BCAS3: variants seen among roughly 807,000 people sequenced by gnomAD.
BCAS3 encodes the protein BCAS4/BCAS3 fusion.
A neutral mutation model predicts 116.1 loss-of-function variants in BCAS3; 53 were observed. The observed-to-expected ratio is 0.46, with a 90% CI of 0.37 to 0.57. The LOEUF (loss-of-function observed/expected upper bound fraction) is 0.57. Among genes scored for constraint, BCAS3 ranks in the 20% least tolerant of loss-of-function variants. BCAS3 has a pLI of 0.00. For missense variants in BCAS3, 917 were observed against 1,165.4 expected (o/e 0.79, Z 3.10); for synonymous variants, 391 against 408.2 (o/e 0.96, Z 0.51).
At chr17:60,982,011 A>G (rs1463373584) in intron 14 of BCAS3, among the ~76,000 whole-genome samples, 1 of 152,204 alleles carries the variant, frequency 6.6e-6, no homozygotes, top group African/African-American at 2.4e-5. Flanking sequence ...AAGAAATTAT[A>G]TGTGTATGCA....
rs549106050 is a variant in BCAS3 at position 61,196,084 on chromosome 17, T to G, written c.2425+111520T>G. On this transcript the variant is annotated intron_variant, in intron 22 of 23. Coordinates refer to ENST00000407086, the MANE Select transcript of BCAS3 (RefSeq NM_017679.5). The surrounding 1 kb of genome is among the most constrained non-coding windows in gnomAD (Gnocchi z 4.7). Reference sequence around the variant, plus strand: ...TAACTTTGGAGACCACAGTCGCCTTTGCAGATCTATCTAGACAACTTCTGA... The same window carrying G: ...TAACTTTGGAGACCACAGTCGCCTTGGCAGATCTATCTAGACAACTTCTGA... Among the ~76,000 whole-genome samples the G allele has an allele frequency of 2.0e-5, 3 of 152,368 alleles. No individual in the cohort carries two copies. The highest frequency in any genetic ancestry group is 4.4e-5 in the Non-Finnish European group (3 of 68,038).
At chr17:60,944,721 ACAAT>A (rs777762422) in intron 13 of BCAS3, among the ~76,000 whole-genome samples, 1 of 152,190 alleles carries the variant, frequency 6.6e-6, no homozygotes, top group Non-Finnish European at 1.5e-5. Flanking sequence ...TCAACATTTG[ACAAT>A]CAGTTATTGT....
chr17:61,115,240 G>C (rs1198418195), intron 22 of BCAS3, among the ~76,000 whole-genome samples: 5 of 152,154 alleles, frequency 3.3e-5, no homozygotes, highest in Admixed American at 6.5e-5. Flanking sequence ...ATTGACAAAT[G>C]GAATCTAATT....
At chr17:61,070,014 G>A (rs2143404897) in intron 19 of BCAS3, 4 of 1,595,616 alleles carry the variant, frequency 2.5e-6, no homozygotes, top group East Asian at 4.5e-5. Context: ...CCTTCCGGCA[G>A]CCGAAGACAC....
At chr17:60,843,400 G>A (rs1247292362) in intron 7 of BCAS3, among the ~76,000 whole-genome samples, 1 of 151,774 alleles carries the variant, frequency 6.6e-6, no homozygotes, top group East Asian at 1.9e-4. Flanking sequence ...GCAATTTTTA[G>A]TAGAGACAAG....
At position 60,958,546 on chromosome 17, in the gene BCAS3, C is replaced by A. The variant is rs572396844; in HGVS notation, c.1221+11194C>A. Among the ~76,000 whole-genome samples the A allele has an allele frequency of 4.7e-4, 71 of 152,162 alleles. No individual in the cohort carries two copies. The East Asian group carries it at 7.7e-3, about 17-fold the overall frequency. On this transcript the variant is annotated intron_variant, in intron 14 of 23. Coordinates refer to ENST00000407086, the MANE Select transcript of BCAS3 (RefSeq NM_017679.5). Reference sequence around the variant, plus strand: ...TAGAAAATATTGCTCAGAGTAAAGACCTAAATAAATGGAGAATTAAACCAT... The same window carrying A: ...TAGAAAATATTGCTCAGAGTAAAGAACTAAATAAATGGAGAATTAAACCAT...
intron 22 of BCAS3, among the ~76,000 whole-genome samples, chr17:61,114,419 ATCACAAGCATTC>A (rs2075293167): frequency 6.8e-6 from 1 of 148,092 alleles, no homozygotes. Context: ...ATGTACCAAA[ATCACAAGCATTC>A]TTATACACCA....
At position 60,812,346 on chromosome 17, in the gene BCAS3, G is replaced by T. The variant is rs542430431; in HGVS notation, c.476+4270G>T. ...AGTTTGCAAAAAAATGTGACTTAAG[G>T]TGGCTTATATATCATCTCAGTAGGA... is the stretch of plus-strand genomic sequence containing the variant. On this transcript the variant is annotated intron_variant, in intron 7 of 23. Coordinates refer to ENST00000407086, the MANE Select transcript of BCAS3 (RefSeq NM_017679.5). Among the ~76,000 whole-genome samples the T allele has an allele frequency of 4.3e-4, 66 of 152,276 alleles. 1 individual carries two copies. The highest frequency in any genetic ancestry group is 2.6e-3 in the Admixed American group (40 of 15,284).
intron 4 of BCAS3, among the ~76,000 whole-genome samples, chr17:60,694,722 C>T (rs2035351528): frequency 6.6e-6 from 1 of 151,772 alleles, no homozygotes; most frequent in Admixed American, 6.6e-5. Flanking sequence ...GTGATCCTCC[C>T]ACCTCGGTGT....
intron 12 of BCAS3, among the ~76,000 whole-genome samples, chr17:60,923,937 A>C (rs907132710): frequency 7.9e-5 from 12 of 152,112 alleles, no homozygotes; most frequent in African/African-American, 2.7e-4. Context: ...TGATTTCTCT[A>C]TACACCTGTT....
chr17:61,033,886 C>A (rs1568173293), intron 16 of BCAS3, among the ~76,000 whole-genome samples: 1 of 152,184 alleles, frequency 6.6e-6, no homozygotes, highest in Non-Finnish European at 1.5e-5. Context: ...AGATCTACTT[C>A]TTTTGAATGG....
intron 6 of BCAS3, among the ~76,000 whole-genome samples, chr17:60,807,282 T>C (rs1253822648): frequency 2.0e-5 from 3 of 152,200 alleles, no homozygotes; most frequent in East Asian, 3.8e-4. Context: ...TTTGCTGATA[T>C]TTTGTTTAGG....
At chr17:60,693,417 AT>A (rs766636406) in intron 4 of BCAS3, among the ~76,000 whole-genome samples, 51 of 146,660 alleles carry the variant, frequency 3.5e-4, no homozygotes, top group Admixed American at 3.4e-4. Context: ...CAGTTTTTGT[AT>A]TTTTTTTTTT....
intron 14 of BCAS3, among the ~76,000 whole-genome samples, chr17:60,972,321 G>T (rs1235339111): frequency 6.6e-6 from 1 of 152,032 alleles, no homozygotes; most frequent in Non-Finnish European, 1.5e-5. Context: ...TTTTTAATGT[G>T]CACATGCCAG....
intron 22 of BCAS3, among the ~76,000 whole-genome samples, chr17:61,253,095 C>T (rs570176434): frequency 1.1e-4 from 17 of 151,188 alleles, no homozygotes; most frequent in African/African-American, 3.9e-4. Flanking sequence ...AGGCTGGTCT[C>T]GAACTCCTGA....
intron 19 of BCAS3, 88 bp downstream of exon 19, chr17:61,040,980 T>C: frequency 9.1e-7 from 1 of 1,100,172 alleles, no homozygotes; most frequent in South Asian, 1.3e-5. Flanking sequence ...ACATTACCAC[T>C]GGTCCATAGG....
At chr17:61,334,257 G>A (rs1374720882) in intron 22 of BCAS3, among the ~76,000 whole-genome samples, 3 of 152,214 alleles carry the variant, frequency 2.0e-5, no homozygotes, top group African/African-American at 7.2e-5. Context: ...CATGGAAAAA[G>A]CACGTAGGAG....
At chr17:61,052,741 G>A (rs1431346384) in intron 19 of BCAS3, among the ~76,000 whole-genome samples, 3 of 136,248 alleles carry the variant, frequency 2.2e-5, no homozygotes, top group South Asian at 2.3e-4. Flanking sequence ...TTTTTGAGAC[G>A]GGGTTTCTCT....
chr17:60,878,624 G>A (rs2055839222), intron 9 of BCAS3, among the ~76,000 whole-genome samples: 1 of 152,070 alleles, frequency 6.6e-6, no homozygotes, highest in Non-Finnish European at 1.5e-5. Context: ...TTCACCACAG[G>A]TCCCCCTTAC....
Sources: gnomAD v4.1 joint callset for allele counts (sites outside exome capture counted in the v4.1 genomes callset) on GRCh38, gnomAD v4.1.1 for gene constraint, Gnocchi (gnomAD v3.1) non-coding constraint, MANE v1.5 for transcripts, NCBI Gene and HGNC (gene_info 2026-07-23, HGNC 2026-07-21) for gene names.